The following TBCD variants were observed in gnomAD, a reference collection of about 807,000 sequenced individuals.
TBCD encodes the protein tubulin folding cofactor D.
A neutral mutation model predicts 169.3 loss-of-function variants in TBCD; 105 were observed. That is an observed-to-expected ratio of 0.62 (90% CI 0.53 to 0.73). TBCD has a LOEUF of 0.73. Ranked by LOEUF, TBCD falls within the 30% of genes least tolerant of loss-of-function variation. TBCD has a pLI of 0.00. For synonymous variants in TBCD, 700 were observed against 643.9 expected, an observed-to-expected ratio of 1.09 and a Z score of -1.32; for missense variants, 1,444 against 1,600.1, an observed-to-expected ratio of 0.90 and a Z score of 1.66.
At chr17:82,800,118 T>G (rs903560346) in intron 8 of TBCD, among the ~76,000 whole-genome samples, 2 of 151,864 alleles carry the variant, frequency 1.3e-5, no homozygotes, top group African/African-American at 4.8e-5. Flanking sequence ...TCTCTTCTTT[T>G]CTCCTGTCCC....
rs114261086 is a variant in TBCD, at chr17:82,772,642, C to T, written c.638+135C>T. 2,480 of 937,130 alleles carry T rather than the reference C, an allele frequency of 2.6e-3. 39 individuals carry two copies. In the African/African-American group the frequency reaches 0.035, roughly 13 times the overall value. 58.1% of individuals were successfully genotyped at this position (937,130 alleles called of 1,614,324 possible). A position where few individuals can be genotyped will look rare whatever the true frequency, so the allele number is the denominator to read the frequency against. ...AAGTCTTTGGACTCTGTGGCTTTCT[C>T]TGAGGGAGTGTGCAGCAGTGTTTGG... On this transcript the variant is annotated intron_variant, in intron 6 of 38. Transcript: ENST00000355528.
chr17:82,752,380 G>T lies in TBCD; in HGVS notation c.184+3G>T. On this transcript the variant is annotated splice_donor_region_variant and intron_variant, in intron 1 of 38. Coordinates refer to ENST00000355528, the MANE Select transcript of TBCD (RefSeq NM_005993.5). ...GGTGGCCCTGGAGCGGTTCCGCGGTGCGTGGGCGGCGCCGCGTGCCCGCTT... is the reference window on the plus strand; with the variant it reads ...GGTGGCCCTGGAGCGGTTCCGCGGTTCGTGGGCGGCGCCGCGTGCCCGCTT... The T allele has an allele frequency of 2.4e-6, 3 of 1,241,384 alleles. No individual in the cohort carries two copies. Among genetic ancestry groups the T allele is most frequent in the Non-Finnish European group, 3.0e-6 (3 of 995,886 alleles). The allele number at this position is 1,241,384 out of a possible 1,614,324, so 76.9% of individuals were successfully genotyped here.
chr17:82,809,811 G>T, intron 12 of TBCD, 29 bp downstream of exon 12: 1 of 1,606,722 alleles, frequency 6.2e-7, no homozygotes, highest in South Asian at 1.1e-5. Context: ...GGAGGCGTGT[G>T]GGCCTGACCC....
At chr17:82,829,199 A>G (rs1357383060) in intron 13 of TBCD, among the ~76,000 whole-genome samples, 1 of 151,910 alleles carries the variant, frequency 6.6e-6, no homozygotes. Flanking sequence ...GCAGACGTGC[A>G]CATGCACACA....
intron 13 of TBCD, among the ~76,000 whole-genome samples, chr17:82,849,448 TG>T (rs1244969296): frequency 6.6e-6 from 1 of 152,266 alleles, no homozygotes; most frequent in Non-Finnish European, 1.5e-5. Flanking sequence ...ACCTTGGTTT[TG>T]GCCCCTTTTC....
In TBCD at chr17:82,934,794, C is replaced by T. The variant is rs190852548; in HGVS notation, c.3191+2059C>T. Reference sequence around the variant, plus strand: ...GCCTAAAATATTGACATATATTTTTCTGGCTTAAAAATTTCAAAATAAGCC... The same window carrying T: ...GCCTAAAATATTGACATATATTTTTTTGGCTTAAAAATTTCAAAATAAGCC... On this transcript the variant is annotated intron_variant, in intron 34 of 38. Coordinates refer to ENST00000355528, the MANE Select transcript of TBCD (RefSeq NM_005993.5). 3.8e-3 allele frequency among the ~76,000 whole-genome samples: 576 copies of T among 151,994 alleles called. 4 individuals carry two copies. The highest frequency in any genetic ancestry group is 0.013 in the African/African-American group (545 of 41,514).
At chr17:82,927,777 C>T (rs770333430) in intron 29 of TBCD, 128 bp from the exon 30 acceptor site, 66 of 757,296 alleles carry the variant, frequency 8.7e-5, no homozygotes, top group Admixed American at 1.3e-4. Context: ...TCCCTGGCAG[C>T]GTGCCTGGGC....
chr17:82,863,093 C>G (rs866549720), intron 13 of TBCD, among the ~76,000 whole-genome samples: 25 of 152,262 alleles, frequency 1.6e-4, no homozygotes, highest in Admixed American at 5.2e-4. Flanking sequence ...AGGATGGGAT[C>G]GTAATTTCTT....
At chr17:82,865,380 A>T in intron 13 of TBCD, 2 of 832,286 alleles carry the variant, frequency 2.4e-6, no homozygotes, top group Non-Finnish European at 2.9e-6. Context: ...GGGTCCCTCC[A>T]CATCCACCCC....
chr17:82,820,238 A>G (rs1279873448), intron 13 of TBCD, among the ~76,000 whole-genome samples: 2 of 152,186 alleles, frequency 1.3e-5, no homozygotes, highest in Admixed American at 1.3e-4. Context: ...TTGGCTTCCC[A>G]AAGTGCTGGG....
chr17:82,850,316 CTGTTGGCTGTGCTGT>C lies in TBCD; in HGVS notation c.1319-19882_1319-19868del, dbSNP rs1175038259. On this transcript the variant is annotated intron_variant, in intron 13 of 38. Transcript: ENST00000355528. Reference sequence around the variant, plus strand: ...TGCTGTTGTTGGCTGTGCTCTTCTGCTGTTGGCTGTGCTGTTGTTGGCTGTGCTGTTGTTGGCTGT... The same window carrying C: ...TGCTGTTGTTGGCTGTGCTCTTCTGCTGTTGGCTGTGCTGTTGTTGGCTGT... Among the ~76,000 whole-genome samples the C allele has an allele frequency of 1.4e-3, 113 of 80,098 alleles. 1 individual carries two copies. The highest frequency in any genetic ancestry group is 4.2e-3 in the African/African-American group (94 of 22,434). 52.5% of individuals were successfully genotyped at this position (80,098 alleles called of 152,430 possible). A position where few individuals can be genotyped will look rare whatever the true frequency, so the allele number is the denominator to read the frequency against.
intron 13 of TBCD, chr17:82,838,886 G>T (rs757929558): frequency 2.4e-5 from 24 of 985,246 alleles, no homozygotes; most frequent in Non-Finnish European, 2.9e-5. Flanking sequence ...CTGAAACTCC[G>T]GTCAGAAATG....
intron 13 of TBCD, among the ~76,000 whole-genome samples, chr17:82,850,418 CTGTTGGCTGTGCTGT>C (rs1367688788): frequency 5.6e-5 from 5 of 89,600 alleles, no homozygotes; most frequent in Admixed American, 3.6e-4. Context: ...GTTGGCTGTG[CTGTTGGCTGTGCTGT>C]TGTTGGCTGT....
At chr17:82,914,486 T>C (rs1041208494) in intron 23 of TBCD, among the ~76,000 whole-genome samples, 2 of 152,254 alleles carry the variant, frequency 1.3e-5, no homozygotes, top group Non-Finnish European at 2.9e-5. Flanking sequence ...TCCAGCTGTG[T>C]CTGCACCATG....
intron 21 of TBCD, among the ~76,000 whole-genome samples, 164 bp from the exon 22 acceptor site, chr17:82,909,121 T>C (rs2060441249): frequency 6.6e-6 from 1 of 152,242 alleles, no homozygotes; most frequent in Non-Finnish European, 1.5e-5. Flanking sequence ...CAAGGCCATC[T>C]GCGTCAGTAG....
At chr17:82,867,440 G>A (rs1259605071) in intron 13 of TBCD, among the ~76,000 whole-genome samples, 4 of 152,356 alleles carry the variant, frequency 2.6e-5, no homozygotes, top group Middle Eastern at 3.4e-3. Flanking sequence ...GACTGTCCCT[G>A]GGGATCTGGC....
intron 13 of TBCD, among the ~76,000 whole-genome samples, chr17:82,828,149 C>T (rs1328346534): frequency 8.7e-6 from 1 of 114,866 alleles, no homozygotes; most frequent in South Asian, 3.2e-4. Context: ...GTGCATACAC[C>T]CACAGACACA....
intron 36 of TBCD, 167 bp from the exon 37 acceptor site, chr17:82,939,200 G>A (rs905626697): frequency 1.2e-5 from 8 of 650,656 alleles, no homozygotes; most frequent in East Asian, 2.7e-5. Context: ...GGCCTGGAAG[G>A]CACCTCCTCT....
intron 5 of TBCD, among the ~76,000 whole-genome samples, chr17:82,771,855 C>T (rs111984049): frequency 6.6e-6 from 1 of 151,424 alleles, no homozygotes; most frequent in Non-Finnish European, 1.5e-5. Flanking sequence ...ACCTGGGAGG[C>T]GGAGCTTGCA....
Sources: gnomAD v4.1 joint callset for allele counts (sites outside exome capture counted in the v4.1 genomes callset) on GRCh38, gnomAD v4.1.1 for gene constraint, MANE v1.5 for transcripts, NCBI Gene and HGNC (gene_info 2026-07-23, HGNC 2026-07-21) for gene names.